The following DAPK1 variants were observed in gnomAD, a reference collection of about 807,000 sequenced individuals.
The protein encoded by DAPK1 is death-associated protein kinase 1.
A neutral mutation model predicts 144.9 loss-of-function variants in DAPK1; 56 were observed. The observed-to-expected ratio is 0.39, with a 90% CI of 0.31 to 0.48. The LOEUF (loss-of-function observed/expected upper bound fraction) is 0.48, where lower values mean the gene tolerates loss of function less well. Ranked by LOEUF, DAPK1 falls within the 20% of genes least tolerant of loss-of-function variation. The pLI is 0.95. For synonymous variants in DAPK1, 690 were observed against 749.0 expected, an observed-to-expected ratio of 0.92 and a Z score of 1.29; for missense variants, 1,454 against 1,875.4, an observed-to-expected ratio of 0.78 and a Z score of 4.15.
intron 10 of DAPK1, 26 bp from the exon 11 acceptor site, chr9:87,643,346 CCTTT>C: frequency 2.7e-6 from 3 of 1,103,702 alleles, no homozygotes; most frequent in Admixed American, 4.7e-5. Context: ...CCCCGCCCTC[CCTTT>C]TTTTTTTTTT....
chr9:87,592,774 G>A (rs1389148193), intron 2 of DAPK1, among the ~76,000 whole-genome samples: 1 of 151,916 alleles, frequency 6.6e-6, no homozygotes, highest in African/African-American at 2.4e-5. Flanking sequence ...CGGGAGCTCC[G>A]GTTTCTTTTT....
chr9:87,581,213 C>T (rs1389987019), intron 2 of DAPK1, among the ~76,000 whole-genome samples: 2 of 152,214 alleles, frequency 1.3e-5, no homozygotes, highest in Admixed American at 1.3e-4. Flanking sequence ...GTTCCTTGGA[C>T]ACACACTGCT....
intron 2 of DAPK1, among the ~76,000 whole-genome samples, chr9:87,591,536 A>G (rs926827229): frequency 6.6e-6 from 1 of 152,230 alleles, no homozygotes; most frequent in Admixed American, 6.5e-5. Flanking sequence ...TTTCTCCAAT[A>G]TACTATGTTA....
chr9:87,552,064 C>G (rs28525565), intron 2 of DAPK1, among the ~76,000 whole-genome samples: 1 of 151,920 alleles, frequency 6.6e-6, no homozygotes, highest in Non-Finnish European at 1.5e-5. Flanking sequence ...CCTCGCGAGG[C>G]TGGCTCACCT....
intron 3 of DAPK1, among the ~76,000 whole-genome samples, chr9:87,630,235 CAGTT>C (rs1175235422): frequency 6.6e-6 from 1 of 152,218 alleles, no homozygotes; most frequent in Non-Finnish European, 1.5e-5. Context: ...ATAACTGCAA[CAGTT>C]AGCATGCTCT....
chr9:87,603,700 C>A (rs1564017886), intron 2 of DAPK1, among the ~76,000 whole-genome samples: 1 of 152,124 alleles, frequency 6.6e-6, no homozygotes, highest in Admixed American at 6.5e-5. Context: ...ACATACAGAT[C>A]CTGTGATGGG....
At chr9:87,615,879 G>A (rs1376108414) in intron 3 of DAPK1, among the ~76,000 whole-genome samples, 1 of 152,246 alleles carries the variant, frequency 6.6e-6, no homozygotes, top group African/African-American at 2.4e-5. Flanking sequence ...CTCTTGGAGA[G>A]AGAATTCTTT....
chr9:87,545,264 C>T lies in DAPK1; in HGVS notation c.62+46125C>T, dbSNP rs111609318. On this transcript the variant is annotated intron_variant, in intron 2 of 25. Coordinates refer to ENST00000408954, the MANE Select transcript of DAPK1 (RefSeq NM_004938.4). ...CTCCCGGGTGCAGGGTTAGGAAGTG[C>T]GTAATGAGCTTTAGAAAGGGTTCCT... Among the ~76,000 whole-genome samples, 172 of 152,202 alleles carry T rather than the reference C, an allele frequency of 1.1e-3. 1 individual carries two copies. The highest frequency in any genetic ancestry group is 4.0e-3 in the African/African-American group (166 of 41,508).
In DAPK1 at chr9:87,559,407, G is replaced by A. The variant is rs143132428; in HGVS notation, c.63-45547G>A. Among the ~76,000 whole-genome samples, 12 of 152,226 alleles carry A rather than the reference G, an allele frequency of 7.9e-5. No individual in the cohort carries two copies. In the East Asian group the frequency reaches 1.7e-3, roughly 22 times the overall value. On this transcript the variant is annotated intron_variant, in intron 2 of 25. Coordinates refer to ENST00000408954, the MANE Select transcript of DAPK1 (RefSeq NM_004938.4). ...TTCTGCAATTATGGGAATGTTCTGT[G>A]CCGCCCAGTGTGGTAACATCTAGCC...
chr9:87,647,524 T>G (rs1339006570), intron 14 of DAPK1, 121 bp downstream of exon 14: 2 of 786,796 alleles, frequency 2.5e-6, no homozygotes, highest in Admixed American at 4.1e-5. Context: ...AGAATTCACC[T>G]GCAGAACATT....
At chr9:87,694,869 CTCAGAGA>C (rs1825200736) in intron 21 of DAPK1, among the ~76,000 whole-genome samples, 1 of 152,272 alleles carries the variant, frequency 6.6e-6, no homozygotes, top group Admixed American at 6.5e-5. Context: ...CTGCTTCGGA[CTCAGAGA>C]GTGCGTGGGA....
At chr9:87,665,465 G>C (rs1374140454) in intron 18 of DAPK1, among the ~76,000 whole-genome samples, 3 of 152,170 alleles carry the variant, frequency 2.0e-5, no homozygotes, top group Middle Eastern at 6.3e-3. Flanking sequence ...ACTATCTAAA[G>C]ATGTTTAAAT....
chr9:87,620,425 G>A (rs1829251796), intron 3 of DAPK1, among the ~76,000 whole-genome samples: 2 of 152,292 alleles, frequency 1.3e-5, no homozygotes, highest in South Asian at 2.1e-4. Flanking sequence ...GTCTCAAGGT[G>A]GCTAAAGAAC....
chr9:87,556,612 A>C (rs777790493), intron 2 of DAPK1, among the ~76,000 whole-genome samples: 1 of 152,164 alleles, frequency 6.6e-6, no homozygotes, highest in African/African-American at 2.4e-5. Flanking sequence ...AACTCTGTGG[A>C]GTAGCCTCAG....
chr9:87,667,434 ACTG>A (rs2119269902), intron 18 of DAPK1, among the ~76,000 whole-genome samples: 1 of 152,308 alleles, frequency 6.6e-6, no homozygotes, highest in African/African-American at 2.4e-5. Flanking sequence ...AGGGGGTGCT[ACTG>A]CCACCTAGTG....
intron 2 of DAPK1, among the ~76,000 whole-genome samples, chr9:87,502,248 C>T (rs1390640778): frequency 1.3e-5 from 2 of 151,948 alleles, no homozygotes; most frequent in Non-Finnish European, 2.9e-5. Context: ...CTGGCACACC[C>T]TCCAAGCAGA....
At chr9:87,511,704 G>GTC (rs1331723163) in intron 2 of DAPK1, among the ~76,000 whole-genome samples, 1 of 132,170 alleles carries the variant, frequency 7.6e-6, no homozygotes, top group East Asian at 2.4e-4. Context: ...GTGTGTGTGT[G>GTC]TCTGTGGTTT....
chr9:87,504,539 C>T (rs1246874693), intron 2 of DAPK1, among the ~76,000 whole-genome samples: 1 of 152,142 alleles, frequency 6.6e-6, no homozygotes, highest in Non-Finnish European at 1.5e-5. Flanking sequence ...CTCTTTTACC[C>T]TCAGCTTGTG....
intron 17 of DAPK1, among the ~76,000 whole-genome samples, chr9:87,654,966 T>A (rs765156968): frequency 1.8e-4 from 28 of 152,340 alleles, no homozygotes; most frequent in Non-Finnish European, 2.2e-4. Context: ...TTGAAACCAC[T>A]GGCTTATTTA....
Sources: allele counts gnomAD v4.1 joint callset (sites outside exome capture counted in the v4.1 genomes callset), GRCh38; gene constraint gnomAD v4.1.1; transcripts MANE v1.5; gene names NCBI Gene and HGNC (gene_info 2026-07-23, HGNC 2026-07-21).